VPS13B: variants seen among roughly 807,000 people sequenced by gnomAD.
VPS13B encodes intermembrane lipid transfer protein VPS13B.
Under a neutral mutation model 426.4 loss-of-function variants are expected in VPS13B, and 285 were observed. That is an observed-to-expected ratio of 0.67 (90% CI 0.61 to 0.74). VPS13B has a LOEUF of 0.74. Ranked by LOEUF, VPS13B falls within the 30% of genes least tolerant of loss-of-function variation. VPS13B has a pLI of 0.00. For synonymous variants in VPS13B, 1,676 were observed against 1,676.4 expected, an observed-to-expected ratio of 1.00 and a Z score of 0.01; for missense variants, 4,537 against 4,782.6, an observed-to-expected ratio of 0.95 and a Z score of 1.51.
In VPS13B at chr8:99,304,207, G is replaced by A. The variant is rs796841519; in HGVS notation, c.2824+28953G>A. ...AATTAAAGCATTTAGAATAAGATTT[G>A]GCACATCAAAATAGTAGTTATTATT... On this transcript the variant is annotated intron_variant, in intron 19 of 61. Transcript: ENST00000357162. Among the ~76,000 whole-genome samples the A allele has an allele frequency of 3.3e-5, 5 of 152,156 alleles. 1 individual carries two copies. The highest frequency in any genetic ancestry group is 1.2e-4 in the African/African-American group (5 of 41,526).
chr8:99,684,436 C>T (rs1831289621), intron 35 of VPS13B, among the ~76,000 whole-genome samples: 1 of 152,158 alleles, frequency 6.6e-6, no homozygotes, highest in Non-Finnish European at 1.5e-5. Context: ...CTTCACACTC[C>T]TTGAAGCCAG....
chr8:99,395,617 A>T (rs1439492100), intron 21 of VPS13B, among the ~76,000 whole-genome samples: 1 of 152,214 alleles, frequency 6.6e-6, no homozygotes. Context: ...GTTAAAAGGA[A>T]TACAATACTA....
chr8:99,793,063 G>A (rs1036144220), intron 43 of VPS13B, among the ~76,000 whole-genome samples: 5 of 150,206 alleles, frequency 3.3e-5, no homozygotes, highest in Admixed American at 6.7e-5. Flanking sequence ...AAAAAATTAG[G>A]CATGGTGGTG....
chr8:99,326,452 C>CTCTTTTTTTTTTTT (rs1810267222), intron 19 of VPS13B, among the ~76,000 whole-genome samples: 1 of 32,518 alleles, frequency 3.1e-5, no homozygotes, highest in African/African-American at 1.3e-4. Flanking sequence ...CTCTAGGTAG[C>CTCTTTTTTTTTTTT]TTTTTTTTTT....
intron 19 of VPS13B, among the ~76,000 whole-genome samples, chr8:99,376,860 T>G (rs1377496899): frequency 6.6e-6 from 1 of 152,090 alleles, no homozygotes; most frequent in Non-Finnish European, 1.5e-5. Flanking sequence ...GGCCTGTACT[T>G]AGATGCATAA....
At chr8:99,741,601 G>T (rs1431415761) in intron 39 of VPS13B, among the ~76,000 whole-genome samples, 1 of 152,148 alleles carries the variant, frequency 6.6e-6, no homozygotes, top group Non-Finnish European at 1.5e-5. Flanking sequence ...AAATGGAAAA[G>T]AACAGAAATT....
intron 3 of VPS13B, 139 bp downstream of exon 3, chr8:99,038,705 T>G (rs1587947732): frequency 3.9e-6 from 2 of 514,824 alleles, no homozygotes; most frequent in Non-Finnish European, 6.2e-6. Flanking sequence ...TTTTTTTTTT[T>G]GAGATAGAGT....
chr8:99,871,792 C>T, intron 61 of VPS13B, 95 bp downstream of exon 61: 2 of 1,596,802 alleles, frequency 1.3e-6, no homozygotes, highest in South Asian at 2.2e-5. Context: ...GAGCTGCAGC[C>T]TCTGGAGTGG....
intron 30 of VPS13B, among the ~76,000 whole-genome samples, chr8:99,528,634 C>T (rs1324108892): frequency 6.6e-6 from 1 of 152,064 alleles, no homozygotes; most frequent in East Asian, 1.9e-4. Context: ...GCACCCTAAA[C>T]TTTTTTCATG....
At position 99,786,326 on chromosome 8, in the gene VPS13B, T is replaced by C. The variant is rs146653425; in HGVS notation, c.7941+1850T>C. 1.8e-4 allele frequency among the ~76,000 whole-genome samples: 28 copies of C among 152,290 alleles called. No individual in the cohort carries two copies. In the East Asian group the frequency reaches 5.4e-3, roughly 29 times the overall value. Reference sequence around the variant, plus strand: ...TTATTTGTTATGCATATTTTATAGATAAGGAGACAAATAGAAATGTTAAGT... The same window carrying C: ...TTATTTGTTATGCATATTTTATAGACAAGGAGACAAATAGAAATGTTAAGT... On this transcript the variant is annotated intron_variant, in intron 43 of 61. Coordinates refer to ENST00000357162, the MANE Select transcript of VPS13B (RefSeq NM_152564.5).
intron 44 of VPS13B, among the ~76,000 whole-genome samples, chr8:99,810,406 A>G (rs569356712): frequency 3.0e-4 from 45 of 152,346 alleles, no homozygotes; most frequent in Non-Finnish European, 6.2e-4. Context: ...AGCTTCCCCT[A>G]TGGAGCAGCA....
At chr8:99,440,614 A>G (rs1366155373) in intron 22 of VPS13B, among the ~76,000 whole-genome samples, 3 of 152,104 alleles carry the variant, frequency 2.0e-5, no homozygotes, top group African/African-American at 4.8e-5. Context: ...TATATTTTAG[A>G]AAGTTTATTT....
intron 16 of VPS13B, among the ~76,000 whole-genome samples, chr8:99,186,157 G>C (rs150439890): frequency 6.6e-6 from 1 of 152,156 alleles, no homozygotes; most frequent in Non-Finnish European, 1.5e-5. Flanking sequence ...ATAGGCATGT[G>C]TTAAAGAAAT....
At chr8:99,274,060 T>C in intron 17 of VPS13B, 138 bp from the exon 18 acceptor site, 1 of 1,240,600 alleles carries the variant, frequency 8.1e-7, no homozygotes, top group Non-Finnish European at 1.1e-6. Flanking sequence ...AATACTAAAC[T>C]ATGAAACCTA....
At position 99,238,824 on chromosome 8, in the gene VPS13B, A is replaced by G. The variant is rs111667416; in HGVS notation, c.2516-35374A>G. Among the ~76,000 whole-genome samples the G allele has an allele frequency of 8.4e-3, 1,274 of 152,214 alleles. 22 individuals are homozygous for G. The highest frequency in any genetic ancestry group is 0.029 in the African/African-American group (1,210 of 41,560). On this transcript the variant is annotated intron_variant, in intron 17 of 61. Transcript: ENST00000357162. ...ATGATTAGATTATCATTCTAGTGAT[A>G]TATCTAAAAATAAATTTATTTCTTA...
chr8:99,573,292 T>C (rs1463252816), intron 31 of VPS13B, among the ~76,000 whole-genome samples: 1 of 152,230 alleles, frequency 6.6e-6, no homozygotes, highest in Non-Finnish European at 1.5e-5. Context: ...GTGCAGAAGC[T>C]CTTTAGTTTA....
intron 19 of VPS13B, among the ~76,000 whole-genome samples, chr8:99,373,640 T>C (rs1813314768): frequency 6.6e-6 from 1 of 152,150 alleles, no homozygotes; most frequent in Non-Finnish European, 1.5e-5. Flanking sequence ...GAAGGATCAC[T>C]TGAGCTCAGT....
chr8:99,713,125 C>T (rs1324925834), intron 36 of VPS13B, among the ~76,000 whole-genome samples: 2 of 152,108 alleles, frequency 1.3e-5, no homozygotes, highest in Non-Finnish European at 2.9e-5. Context: ...TAACATGATC[C>T]AAATTCTATA....
Position 99,665,352 on chromosome 8 carries a change from G to A in VPS13B, c.6046+3861G>A, listed in dbSNP as rs1830442423. ...ATCCCATTTGTCAATTTTGGCTTTTGTTGCCATTGCTTTTGGTGTTTTAGA... is the reference window on the plus strand; with the variant it reads ...ATCCCATTTGTCAATTTTGGCTTTTATTGCCATTGCTTTTGGTGTTTTAGA... On this transcript the variant is annotated intron_variant, in intron 35 of 61. Transcript: ENST00000357162. Among the ~76,000 whole-genome samples the A allele has an allele frequency of 7.9e-5, 12 of 152,202 alleles. No individual in the cohort carries two copies. In the South Asian group the frequency reaches 2.5e-3, roughly 32 times the overall value.
Sources: gnomAD v4.1 joint callset for allele counts (sites outside exome capture counted in the v4.1 genomes callset) on GRCh38, gnomAD v4.1.1 for gene constraint, MANE v1.5 for transcripts, NCBI Gene and HGNC (gene_info 2026-07-23, HGNC 2026-07-21) for gene names.